FAM193A: variants seen among roughly 807,000 people sequenced by gnomAD.
FAM193A encodes the protein family with sequence similarity 193 member A.
FAM193A carries 22 observed loss-of-function variants against 126.5 expected under a neutral mutation model. That is an observed-to-expected ratio of 0.17 (90% CI 0.12 to 0.25). FAM193A has a LOEUF of 0.25. Among genes scored for constraint, FAM193A ranks in the 10% least tolerant of loss-of-function variants. The pLI is 1.00. For missense variants in FAM193A, 1,675 were observed against 1,672.8 expected (o/e 1.00, Z -0.02); for synonymous variants, 761 against 646.8 (o/e 1.18, Z -2.68).
At chr4:2,573,080 A>AG in intron 1 of FAM193A, among the ~76,000 whole-genome samples, 1 of 152,182 alleles carries the variant, frequency 6.6e-6, no homozygotes. Context: ...TGGTTGACTC[A>AG]GTGTCAGATA....
intron 13 of FAM193A, among the ~76,000 whole-genome samples, chr4:2,682,581 T>G (rs1253544353): frequency 6.6e-6 from 1 of 152,254 alleles, no homozygotes; most frequent in Non-Finnish European, 1.5e-5. Flanking sequence ...TTGTTTCCTA[T>G]TCATTATGAG....
chr4:2,645,829 C>T (rs939382758), intron 6 of FAM193A, among the ~76,000 whole-genome samples: 18 of 152,066 alleles, frequency 1.2e-4, no homozygotes, highest in South Asian at 4.1e-4. Flanking sequence ...ACCTGACCGC[C>T]GTCTTTCTTA....
Position 2,611,868 on chromosome 4 carries a change from G to A in FAM193A, c.502-13394G>A, listed in dbSNP as rs532049078. 5.0e-5 allele frequency among the ~76,000 whole-genome samples: 7 copies of A among 140,844 alleles called. No homozygotes were observed. In the East Asian group the frequency reaches 8.3e-4, roughly 17 times the overall value. The allele number at this position is 140,844 out of a possible 152,430, so 92.4% of individuals were successfully genotyped here. A position where few individuals can be genotyped will look rare whatever the true frequency, so the allele number is the denominator to read the frequency against. On this transcript the variant is annotated intron_variant, in intron 2 of 20. Transcript: ENST00000637812. Reference sequence around the variant, plus strand: ...TTTTTTTTTTTTGAGACAGTCTCTCGCTCTTTTGTCCAGGCCGGAGTGCAG... The same window carrying A: ...TTTTTTTTTTTTGAGACAGTCTCTCACTCTTTTGTCCAGGCCGGAGTGCAG...
intron 19 of FAM193A, chr4:2,708,292 A>G (rs114573345): frequency 0.016 from 5,671 of 344,082 alleles, 54 homozygotes; most frequent in Middle Eastern, 0.031. Flanking sequence ...TGCCCAGCTA[A>G]TTTTTTGTAT....
chr4:2,671,863 A>G (rs891836312), intron 12 of FAM193A, among the ~76,000 whole-genome samples: 1 of 152,224 alleles, frequency 6.6e-6, no homozygotes, highest in Non-Finnish European at 1.5e-5. Flanking sequence ...GCATAGGCAT[A>G]GGATTCAGAA....
chr4:2,701,594 C>G (rs1054262523), intron 19 of FAM193A, among the ~76,000 whole-genome samples: 6 of 152,110 alleles, frequency 3.9e-5, no homozygotes, highest in Non-Finnish European at 8.8e-5. Context: ...GATGGGAACT[C>G]TGATCCTGGG....
intron 1 of FAM193A, among the ~76,000 whole-genome samples, chr4:2,550,076 G>T (rs1040401131): frequency 2.0e-5 from 3 of 147,898 alleles, no homozygotes; most frequent in African/African-American, 7.5e-5. Flanking sequence ...TCGCTCTGTG[G>T]CCCAAGCTGA....
intron 1 of FAM193A, among the ~76,000 whole-genome samples, chr4:2,567,335 T>A (rs1438635033): frequency 1.3e-5 from 2 of 152,198 alleles, no homozygotes; most frequent in Non-Finnish European, 2.9e-5. Context: ...TTTTCATAAT[T>A]TAGCAAGTGC....
At chr4:2,665,278 T>C (rs1374603325) in intron 12 of FAM193A, among the ~76,000 whole-genome samples, 5 of 152,216 alleles carry the variant, frequency 3.3e-5, no homozygotes, top group Admixed American at 3.3e-4. Context: ...TACATAGAAA[T>C]ACAATTGATT....
chr4:2,552,740 TG>T (rs1476079808), intron 1 of FAM193A, among the ~76,000 whole-genome samples: 2 of 151,472 alleles, frequency 1.3e-5, no homozygotes, highest in African/African-American at 4.9e-5. Flanking sequence ...GGTTTCACCG[TG>T]TTAGCCAGGA....
intron 1 of FAM193A, among the ~76,000 whole-genome samples, chr4:2,594,820 C>CTTTTTTTTTTTTTTTT (rs386399069): frequency 4.8e-5 from 3 of 62,230 alleles, no homozygotes; most frequent in Admixed American, 1.8e-4. Context: ...TTTTCTTTTC[C>CTTTTTTTTTTTTTTTT]TTTTTTTTTT....
chr4:2,560,444 TG>T (rs1463163113), intron 1 of FAM193A, among the ~76,000 whole-genome samples: 4 of 152,194 alleles, frequency 2.6e-5, no homozygotes, highest in African/African-American at 9.7e-5. Context: ...AACTGCGCTG[TG>T]GCCTGCTTGG....
intron 13 of FAM193A, among the ~76,000 whole-genome samples, chr4:2,677,803 T>A (rs1397723015): frequency 6.6e-6 from 1 of 152,086 alleles, no homozygotes; most frequent in African/African-American, 2.4e-5. Context: ...TATATGAATT[T>A]AGGGTGGATT....
intron 20 of FAM193A, among the ~76,000 whole-genome samples, chr4:2,725,470 A>G (rs2109418753): frequency 6.6e-6 from 1 of 150,644 alleles, no homozygotes; most frequent in South Asian, 2.1e-4. Flanking sequence ...AAAAAAAAAA[A>G]AAAAAAGTAA....
chr4:2,704,626 A>G (rs1308157521), intron 19 of FAM193A, among the ~76,000 whole-genome samples: 2 of 152,114 alleles, frequency 1.3e-5, no homozygotes, highest in African/African-American at 2.4e-5. Context: ...TTTGCTAGCT[A>G]CGTCCAAGTT....
chr4:2,637,102 G>A (rs1025598340), intron 5 of FAM193A, among the ~76,000 whole-genome samples: 4 of 152,166 alleles, frequency 2.6e-5, no homozygotes, highest in African/African-American at 9.7e-5. Flanking sequence ...CAAGGTGGGT[G>A]GATTACTTGA....
intron 19 of FAM193A, among the ~76,000 whole-genome samples, chr4:2,706,116 G>A (rs1464670066): frequency 6.6e-6 from 1 of 152,142 alleles, no homozygotes; most frequent in Non-Finnish European, 1.5e-5. Context: ...GCTGAGGCAG[G>A]AGGATCACTT....
In FAM193A at chr4:2,651,583, G is replaced by A. The variant is rs546703561; in HGVS notation, c.1311+4751G>A. Among the ~76,000 whole-genome samples the A allele has an allele frequency of 8.5e-5, 13 of 152,218 alleles. No individual in the cohort carries two copies. In the South Asian group the frequency reaches 2.1e-3, roughly 24 times the overall value. On this transcript the variant is annotated intron_variant, in intron 7 of 20. Transcript: ENST00000637812. ...CATGAGAACAGCATGGGGGAAATCC[G>A]CCCCCATGATCCCATCACCTCCCAC...
At chr4:2,720,626 G>T (rs1359285787) in intron 20 of FAM193A, among the ~76,000 whole-genome samples, 1 of 149,876 alleles carries the variant, frequency 6.7e-6, no homozygotes, top group African/African-American at 2.5e-5. Flanking sequence ...GCTCCAGCTT[G>T]GGCAACAGTG....
Sources: allele counts gnomAD v4.1 joint callset (sites outside exome capture counted in the v4.1 genomes callset), GRCh38; gene constraint gnomAD v4.1.1; transcripts MANE v1.5; gene names NCBI Gene and HGNC (gene_info 2026-07-23, HGNC 2026-07-21).